Variants in CHCHD3 observed in about 807,000 individuals in gnomAD.
The protein encoded by CHCHD3 is MICOS complex subunit MIC19.
CHCHD3 carries 20 observed loss-of-function variants against 38.2 expected under a neutral mutation model. That is an observed-to-expected ratio of 0.52 (90% CI 0.37 to 0.76). CHCHD3 has a LOEUF of 0.76. Among genes scored for constraint, CHCHD3 ranks in the 30% least tolerant of loss-of-function variants. The pLI is 0.00. For synonymous variants in CHCHD3, 82 were observed against 100.0 expected (o/e 0.82, Z 1.07); for missense variants, 245 against 279.2 (o/e 0.88, Z 0.87).
intron 5 of CHCHD3, among the ~76,000 whole-genome samples, chr7:132,879,716 TAAAAAAAAAA>T (rs56259114): frequency 1.0e-4 from 4 of 38,426 alleles, no homozygotes; most frequent in African/African-American, 3.2e-4. Context: ...TTGTCAAAAG[TAAAAAAAAAA>T]AAAAAAAAAA....
At chr7:132,992,484 C>T (rs930187352) in intron 3 of CHCHD3, among the ~76,000 whole-genome samples, 1 of 152,204 alleles carries the variant, frequency 6.6e-6, no homozygotes, top group Non-Finnish European at 1.5e-5. Flanking sequence ...CCCAGTGCTA[C>T]ATCTGAGATA....
At chr7:132,822,799 G>A (rs372482354) in intron 6 of CHCHD3, among the ~76,000 whole-genome samples, 38 of 151,472 alleles carry the variant, frequency 2.5e-4, no homozygotes, top group Admixed American at 5.3e-4. Flanking sequence ...TGCACTATCC[G>A]CCCCCACCGC....
chr7:132,931,371 C>T (rs189340953), intron 4 of CHCHD3, among the ~76,000 whole-genome samples: 1 of 152,222 alleles, frequency 6.6e-6, no homozygotes, highest in Admixed American at 6.5e-5. Context: ...AAGATTGACC[C>T]AAACTTATCT....
chr7:133,056,730 A>G (rs1814348633), intron 2 of CHCHD3, among the ~76,000 whole-genome samples: 1 of 152,206 alleles, frequency 6.6e-6, no homozygotes, highest in Admixed American at 6.5e-5. Context: ...CTTCTGTGTT[A>G]AAGAAGAAAA....
In CHCHD3 at chr7:132,839,893, G is replaced by A. The variant is rs549711265; in HGVS notation, c.454-1424C>T. Among the ~76,000 whole-genome samples the A allele has an allele frequency of 2.3e-3, 344 of 152,280 alleles. 1 individual carries two copies. Among genetic ancestry groups the A allele is most frequent in the Admixed American group, 3.5e-3 (54 of 15,300 alleles). On this transcript the variant is annotated intron_variant, in intron 5 of 7. Coordinates refer to ENST00000262570, the MANE Select transcript of CHCHD3 (RefSeq NM_017812.4). ...TTTACTATAATCTTATTTGGGCTAC[G>A]ATTTATCTTTCTTGCACCTGATCAA...
rs149741313 is a variant in CHCHD3, at chr7:132,911,231, A to C, written c.370-25486T>G. ...GCCCACCCTCTTGGAATTAAAAACT[A>C]ATAGGAACAATATGGGAAGGGGTCC... On this transcript the variant is annotated intron_variant, in intron 4 of 7. Transcript: ENST00000262570. Among the ~76,000 whole-genome samples the C allele has an allele frequency of 6.8e-3, 1,029 of 152,298 alleles. 12 individuals carry two copies. The highest frequency in any genetic ancestry group is 0.023 in the African/African-American group (957 of 41,554).
intron 2 of CHCHD3, among the ~76,000 whole-genome samples, chr7:133,050,614 CATAG>C (rs1465253668): frequency 2.6e-5 from 4 of 152,144 alleles, no homozygotes; most frequent in East Asian, 1.9e-4. Flanking sequence ...TATTTATGAA[CATAG>C]ATAGAACAAC....
intron 2 of CHCHD3, among the ~76,000 whole-genome samples, chr7:133,050,894 T>C (rs1163576545): frequency 6.6e-6 from 1 of 152,038 alleles, no homozygotes; most frequent in East Asian, 1.9e-4. Context: ...AACGTGCCTG[T>C]AATCCCAGCT....
At chr7:132,846,557 T>A (rs1302422981) in intron 5 of CHCHD3, among the ~76,000 whole-genome samples, 2 of 152,278 alleles carry the variant, frequency 1.3e-5, no homozygotes, top group East Asian at 3.8e-4. Context: ...TGTACCAACA[T>A]GTATTTCTGT....
At chr7:132,808,417 G>T (rs946356042) in intron 6 of CHCHD3, among the ~76,000 whole-genome samples, 2 of 152,172 alleles carry the variant, frequency 1.3e-5, no homozygotes, top group Admixed American at 1.3e-4. Flanking sequence ...TTTCTTTAGA[G>T]GTACTCCTAC....
At chr7:132,883,495 C>T (rs11982852) in intron 5 of CHCHD3, among the ~76,000 whole-genome samples, 31,325 of 152,056 alleles carry the variant, frequency 0.21, 3,553 homozygotes, top group South Asian at 0.27. Context: ...CCCACTACAA[C>T]GAGGGAGCCA....
chr7:132,891,468 G>T (rs1477082475), intron 4 of CHCHD3, among the ~76,000 whole-genome samples: 1 of 152,164 alleles, frequency 6.6e-6, no homozygotes, highest in Non-Finnish European at 1.5e-5. Flanking sequence ...AAATACAAAA[G>T]CCCATTCTTC....
At chr7:133,013,047 G>GACC (rs1335864267) in intron 3 of CHCHD3, among the ~76,000 whole-genome samples, 3 of 151,734 alleles carry the variant, frequency 2.0e-5, no homozygotes, top group Non-Finnish European at 4.4e-5. Flanking sequence ...TCATCTGGAT[G>GACC]TGGTGTCGGG....
chr7:133,058,339 C>T (rs1011717579), intron 2 of CHCHD3, among the ~76,000 whole-genome samples: 3 of 151,860 alleles, frequency 2.0e-5, no homozygotes, highest in African/African-American at 7.3e-5. Context: ...CTCCTGGGCT[C>T]AAGGGATCCT....
intron 4 of CHCHD3, among the ~76,000 whole-genome samples, chr7:132,972,034 G>A (rs1030287412): frequency 1.3e-5 from 2 of 152,114 alleles, no homozygotes; most frequent in African/African-American, 4.8e-5. Context: ...AGGGTGGTGG[G>A]ATACATAATC....
At chr7:133,019,917 C>A (rs1813133558) in intron 3 of CHCHD3, among the ~76,000 whole-genome samples, 1 of 152,050 alleles carries the variant, frequency 6.6e-6, no homozygotes, top group Non-Finnish European at 1.5e-5. Flanking sequence ...TATGTCCTTG[C>A]TATATTGGCC....
At chr7:133,020,518 C>T (rs574482328) in intron 3 of CHCHD3, among the ~76,000 whole-genome samples, 1 of 152,302 alleles carries the variant, frequency 6.6e-6, no homozygotes, top group Non-Finnish European at 1.5e-5. Context: ...TTCAAGAAGT[C>T]ATTCCGAGCT....
chr7:132,814,887 T>G (rs1793603348), intron 6 of CHCHD3, among the ~76,000 whole-genome samples: 1 of 152,178 alleles, frequency 6.6e-6, no homozygotes, highest in Non-Finnish European at 1.5e-5. Context: ...CAATGTCAAC[T>G]GTCAAATAGG....
intron 2 of CHCHD3, among the ~76,000 whole-genome samples, chr7:133,033,537 G>A (rs1430487417): frequency 1.3e-5 from 2 of 152,014 alleles, no homozygotes; most frequent in East Asian, 1.9e-4. Context: ...TTTTAGACAG[G>A]GCTAAAATAT....
Sources: gnomAD v4.1 joint callset for allele counts (sites outside exome capture counted in the v4.1 genomes callset) on GRCh38, gnomAD v4.1.1 for gene constraint, MANE v1.5 for transcripts, NCBI Gene and HGNC (gene_info 2026-07-23, HGNC 2026-07-21) for gene names.